TUBB1: variants seen among roughly 807,000 people sequenced by gnomAD.
The protein encoded by TUBB1 is tubulin beta-1 chain.
A neutral mutation model predicts 22.6 loss-of-function variants in TUBB1; 28 were observed. The observed-to-expected ratio is 1.24, with a 90% CI of 0.92 to 1.70. The LOEUF (loss-of-function observed/expected upper bound fraction) is 1.70, where lower values mean the gene tolerates loss of function less well. Among genes scored for constraint, TUBB1 ranks in the 40% most tolerant of loss-of-function variants. TUBB1 has a pLI of 0.00. For synonymous variants in TUBB1, 226 were observed against 238.0 expected (o/e 0.95, Z 0.46); for missense variants, 577 against 605.5 (o/e 0.95, Z 0.49).
Position 59,023,553 on chromosome 20 carries a change from G to C in TUBB1, c.230G>C (p.Arg77Pro), listed in dbSNP as rs572988631. 18 of 1,614,146 alleles carry C rather than the reference G, an allele frequency of 1.1e-5. No homozygotes were observed. The South Asian group carries it at 1.8e-4, about 16-fold the overall frequency. Reference sequence around the variant, plus strand: ...GAACCTGGGACGATGGACAGCATTCGATCTAGCAAATTAGGAGCTCTCTTT... The same window carrying C: ...GAACCTGGGACGATGGACAGCATTCCATCTAGCAAATTAGGAGCTCTCTTT... ...DLEPGTMDSI[R>P]SSKLGALFQP... Residue 77 changes from arginine to proline, a missense_variant, in exon 3 of 4, where the codon CGA becomes CCA. By Grantham distance (103) the Arg-to-Pro change is moderately radical (BLOSUM62 -2). Transcript: ENST00000217133.
rs775146221 is a variant in TUBB1, at chr20:59,024,424, G to A, written c.997G>A (p.Val333Met). ...TKEVDQQLLSVQTRNSSCFVE... is the reference protein window; with the variant it reads ...TKEVDQQLLSMQTRNSSCFVE... ...GGAAGTGGACCAGCAACTGCTCTCC[G>A]TGCAGACCAGGAACAGCAGCTGCTT... The change falls in exon 4 of 4, where the codon GTG becomes ATG. Residue 333 changes from valine (V) to methionine (M), a missense_variant. Coordinates refer to ENST00000217133, the MANE Select transcript of TUBB1 (RefSeq NM_030773.4). This position sits in a 1 kb window ranked among gnomAD's most constrained non-coding sequence, Gnocchi z 4.9. 4.6e-5 allele frequency: 75 copies of A among 1,614,080 alleles called. No individual in the cohort carries two copies. Among genetic ancestry groups the A allele is most frequent in the East Asian group, 2.0e-4 (9 of 44,900 alleles).
rs774593170 is a variant in TUBB1 at position 59,022,969 on chromosome 20, C to A, written c.166+16C>A. 28 of 1,607,272 alleles carry A rather than the reference C, an allele frequency of 1.7e-5. No homozygotes were observed. Among genetic ancestry groups the A allele is most frequent in the Non-Finnish European group, 2.3e-5 (27 of 1,174,842 alleles). ...GAAGCCTACGGTAGGACTGGCGGGG[C>A]TCTGGGAGCAGTGGTCCCGCAACTG... On this transcript the variant is annotated intron_variant, in intron 2 of 3. Coordinates refer to ENST00000217133, the MANE Select transcript of TUBB1 (RefSeq NM_030773.4).
chr20:59,024,020 CCT>C lies in TUBB1; in HGVS notation c.594_595del (p.Cys199PhefsTer4), dbSNP rs772865476. 1.2e-6 allele frequency: 2 copies of C among 1,614,186 alleles called. No homozygotes were observed. The highest frequency in any genetic ancestry group is 4.5e-5 in the East Asian group (2 of 44,886). ...CACCAGCTGATTGAGAATGCAGATG[CCT>C]GTTTCTGCATTGACAATGAGGCCCT... On this transcript the variant is annotated frameshift_variant, in exon 4 of 4. Transcript: ENST00000217133. LOFTEE classifies it high-confidence loss of function. The surrounding 1 kb of genome is among the most constrained non-coding windows in gnomAD (Gnocchi z 4.9).
At chr20:59,020,436 G>A (rs952806824) in intron 1 of TUBB1, among the ~76,000 whole-genome samples, 1 of 152,236 alleles carries the variant, frequency 6.6e-6, no homozygotes, top group Non-Finnish European at 1.5e-5. Context: ...TGCCCGCCTG[G>A]GCCTCCCGAA....
rs2091993078 is a variant in TUBB1 at position 59,026,105 on chromosome 20, T to C, written c.*1322T>C. The C allele has an allele frequency of 6.6e-6, 1 of 152,236 alleles. No homozygotes were observed. The highest frequency in any genetic ancestry group is 1.5e-5 in the Non-Finnish European group (1 of 68,042). 9.4% of individuals were successfully genotyped at this position (152,236 alleles called of 1,614,324 possible). On this transcript the variant is annotated 3_prime_UTR_variant, in exon 4 of 4. Transcript: ENST00000217133. ...ACTTGCAGGCAACTGGGTTCTCATC[T>C]CTTGATTTGCTTTTGTAATCAGCAA... is the stretch of plus-strand genomic sequence containing the variant.
chr20:59,022,725 A>AG, intron 1 of TUBB1, 120 bp from the exon 2 acceptor site: 3 of 845,964 alleles, frequency 3.5e-6, no homozygotes, highest in Non-Finnish European at 6.0e-6. Flanking sequence ...AGGCCCTAAA[A>AG]GAATGTCTTG....
At chr20:59,023,411 T>C (rs2091977281) in intron 2 of TUBB1, 79 bp from the exon 3 acceptor site, 6 of 1,331,834 alleles carry the variant, frequency 4.5e-6, no homozygotes, top group Non-Finnish European at 6.5e-6. Context: ...TTTGGACCAG[T>C]ATCACAAAGT....
intron 2 of TUBB1, 41 bp from the exon 3 acceptor site, chr20:59,023,449 G>A: frequency 6.3e-7 from 1 of 1,584,700 alleles, no homozygotes; most frequent in South Asian, 1.1e-5. Context: ...TTAACTTTTA[G>A]AAAAACAAGT....
At chr20:59,023,439 T>A (rs371752612) in intron 2 of TUBB1, 51 bp from the exon 3 acceptor site, 100 of 1,543,700 alleles carry the variant, frequency 6.5e-5, no homozygotes, top group Middle Eastern at 3.3e-4. Context: ...TGATAAAACA[T>A]TAACTTTTAG....
upstream of TUBB1, among the ~76,000 whole-genome samples, chr20:59,018,739 C>T (rs1223158893): frequency 6.6e-6 from 1 of 152,170 alleles, no homozygotes; most frequent in African/African-American, 2.4e-5. Context: ...GTCCGTTTTG[C>T]TCTTGGAGAA....
In TUBB1 at chr20:59,023,993, TCCA is replaced by T. The variant is rs1568690045; in HGVS notation, c.570_572del (p.His190del). 6.2e-7 allele frequency: 1 copy of T among 1,614,222 alleles called. No individual in the cohort carries two copies. ...GAGCCCTACAACGCGGTTCTGTCTA[TCCA>T]CCAGCTGATTGAGAATGCAGATGCC... On this transcript the variant is annotated inframe_deletion, in exon 4 of 4. Transcript: ENST00000217133.
At position 59,023,849 on chromosome 20, in the gene TUBB1, G is replaced by C. The variant is rs745881468; in HGVS notation, c.422G>C (p.Gly141Ala). ...QGFQIVHSLG[G>A]GTGSGMGTLL... The stretch of plus-strand genomic sequence containing the variant: ...TTCCAGATCGTCCACTCCCTGGGCG[G>C]GGGCACAGGCTCCGGGATGGGCACT... Residue 141 changes from glycine (G) to alanine (A), a missense_variant, in exon 4 of 4, where the codon GGG becomes GCG. Gly to Ala is a moderately conservative substitution (Grantham distance 60, BLOSUM62 0). Transcript: ENST00000217133. 5 of 1,614,004 alleles carry C rather than the reference G, an allele frequency of 3.1e-6. No individual in the cohort carries two copies. The highest frequency in any genetic ancestry group is 1.6e-4 in the Middle Eastern group (1 of 6,084).
intron 2 of TUBB1, 112 bp from the exon 3 acceptor site, chr20:59,023,378 T>C: frequency 3.0e-6 from 3 of 1,001,276 alleles, no homozygotes; most frequent in Admixed American, 1.8e-5. Flanking sequence ...CAAGGGCCCC[T>C]TTCTAGAATA....
At chr20:59,020,483 C>A (rs2091962688) in intron 1 of TUBB1, among the ~76,000 whole-genome samples, 1 of 152,214 alleles carries the variant, frequency 6.6e-6, no homozygotes, top group South Asian at 2.1e-4. Flanking sequence ...TGTACCTGGC[C>A]CACTTTTATC....
intron 1 of TUBB1, among the ~76,000 whole-genome samples, chr20:59,020,777 A>G (rs1032569899): frequency 1.3e-5 from 2 of 152,210 alleles, no homozygotes; most frequent in African/African-American, 4.8e-5. Context: ...CCCCTGCTTA[A>G]AAATTTCCCC....
chr20:59,024,073 A>T lies in TUBB1; in HGVS notation c.646A>T (p.Lys216Ter), dbSNP rs916590918. The part of the protein sequence containing the change: ...ALYDICFRTL[K>*]LTTPTYGDLN... ...CTATGACATCTGCTTCCGTACCCTG[A>T]AGCTGACGACACCCACCTATGGGGA... The change falls in exon 4 of 4, where the codon AAG (lysine) becomes TAG (stop). Residue 216 changes from lysine to a stop codon, truncating the protein, a stop_gained. Transcript: ENST00000217133. LOFTEE classifies it high-confidence loss of function. This position sits in a 1 kb window ranked among gnomAD's most constrained non-coding sequence, Gnocchi z 4.9. The T allele has an allele frequency of 5.0e-6, 8 of 1,614,046 alleles. No individual in the cohort carries two copies. The highest frequency in any genetic ancestry group is 6.8e-6 in the Non-Finnish European group (8 of 1,180,036).
intron 1 of TUBB1, among the ~76,000 whole-genome samples, chr20:59,022,462 C>T (rs1035990707): frequency 8.6e-5 from 13 of 151,986 alleles, no homozygotes; most frequent in Admixed American, 2.0e-4. Flanking sequence ...AGTTTATTTT[C>T]CTTTAATGGA....
At chr20:59,017,232 C>A (rs551750914), upstream of TUBB1, among the ~76,000 whole-genome samples, 26 of 152,274 alleles carry the variant, frequency 1.7e-4, 1 homozygote, top group African/African-American at 5.8e-4. Flanking sequence ...GTACACAATC[C>A]TTATTTGAAT....
chr20:59,018,113 C>G (rs2091952150), upstream of TUBB1, among the ~76,000 whole-genome samples: 1 of 152,258 alleles, frequency 6.6e-6, no homozygotes, highest in Non-Finnish European at 1.5e-5. Flanking sequence ...TGGCTCTCCC[C>G]TTCCGAGCCA....
Sources: gnomAD v4.1 joint callset for allele counts (sites outside exome capture counted in the v4.1 genomes callset) on GRCh38, gnomAD v4.1.1 for gene constraint, Gnocchi (gnomAD v3.1) non-coding constraint, MANE v1.5 for transcripts, NCBI Gene and HGNC (gene_info 2026-07-23, HGNC 2026-07-21) for gene names.